The following NELFA variants were observed in gnomAD, a reference collection of about 807,000 sequenced individuals.
NELFA encodes the protein negative elongation factor A.
A neutral mutation model predicts 51.8 loss-of-function variants in NELFA; 35 were observed. The ratio of observed to expected loss-of-function variants is 0.68; its 90% CI spans 0.52 to 0.90. The LOEUF is 0.90. NELFA is among the 40% of genes least tolerant of loss of function. NELFA has a pLI of 0.00. For missense variants in NELFA, 658 were observed against 746.4 expected, an observed-to-expected ratio of 0.88 and a Z score of 1.38; for synonymous variants, 417 against 338.4, an observed-to-expected ratio of 1.23 and a Z score of -2.55.
intron 1 of NELFA, among the ~76,000 whole-genome samples, chr4:2,001,179 C>T (rs1728557929): frequency 2.6e-5 from 4 of 152,250 alleles, no homozygotes; most frequent in African/African-American, 2.4e-5. Context: ...AAACCCACAG[C>T]GAATACCATA....
Position 1,983,234 on chromosome 4 carries a change from T to G in NELFA, c.*85A>C, listed in dbSNP as rs1577607861. 1 of 1,420,948 alleles carries G rather than the reference T, an allele frequency of 7.0e-7. No homozygotes were observed. Among genetic ancestry groups the G allele is most frequent in the South Asian group, 1.4e-5 (1 of 72,932 alleles). 88.0% of individuals were successfully genotyped at this position (1,420,948 alleles called of 1,614,324 possible). A position where few individuals can be genotyped will look rare whatever the true frequency, so the allele number is the denominator to read the frequency against. ...CGGCCGGGGGACCTCGGGGGCCAGG[T>G]GTCCGCCATCCGGTTACTTTAAGCT... On this transcript the variant is annotated 3_prime_UTR_variant, in exon 11 of 11. Transcript: ENST00000382882.
In NELFA at chr4:2,008,876, G is replaced by T; in HGVS notation, c.84C>A (p.Ser28Arg). The T allele has an allele frequency of 6.3e-7, 1 of 1,596,546 alleles. No homozygotes were observed. Among genetic ancestry groups the T allele is most frequent in the African/African-American group, 1.3e-5 (1 of 74,922 alleles). ...GATDELWAPP[S>R]IASLLTAAVI... ...CCGCGGCCGTGAGCAGGGACGCGAT[G>T]CTGGGCGGCGCCCACAGCTCGTCCG... Residue 28 changes from serine to arginine, a missense_variant, in exon 1 of 11, where the codon AGC (serine) becomes AGA (arginine). Transcript: ENST00000382882.
At chr4:1,995,101 G>A (rs1728387853) in intron 1 of NELFA, among the ~76,000 whole-genome samples, 2 of 152,336 alleles carry the variant, frequency 1.3e-5, no homozygotes, top group Non-Finnish European at 2.9e-5. Context: ...CTACTGCTGA[G>A]TGGGTCTCAT....
Position 1,989,402 on chromosome 4 carries a change from A to G in NELFA, c.544+306T>C, listed in dbSNP as rs1203087045. Among the ~76,000 whole-genome samples the G allele has an allele frequency of 2.0e-5, 3 of 152,296 alleles. No individual in the cohort carries two copies. Among genetic ancestry groups the G allele is most frequent in the East Asian group, 3.9e-4 (2 of 5,180 alleles). ...GAGTGTAGTGGTGTGATCACAGCTC[A>G]CTGCAGCCTCAACCTCGTGGGCTCA... On this transcript the variant is annotated intron_variant, in intron 3 of 10. Coordinates refer to ENST00000382882, the MANE Select transcript of NELFA (RefSeq NM_005663.5). The surrounding 1 kb of genome is among the most constrained non-coding windows in gnomAD (Gnocchi z 4.8).
intron 2 of NELFA, chr4:1,990,092 G>A: frequency 1.7e-6 from 1 of 583,030 alleles, no homozygotes; most frequent in South Asian, 2.1e-5. Flanking sequence ...TGCCTTGAGA[G>A]GGCTGTAAAC....
intron 1 of NELFA, among the ~76,000 whole-genome samples, chr4:2,001,844 A>G (rs957396119): frequency 4.6e-5 from 7 of 151,644 alleles, no homozygotes; most frequent in Non-Finnish European, 1.0e-4. Context: ...CGGAGGTTGC[A>G]GTGAGCCGAG....
chr4:1,988,037 A>G, intron 3 of NELFA, 30 bp from the exon 4 acceptor site: 6 of 1,585,742 alleles, frequency 3.8e-6, no homozygotes, highest in Non-Finnish European at 4.3e-6. Flanking sequence ...TATGTCAGGG[A>G]TCCTCAGAGC....
chr4:1,985,622 C>T lies in NELFA; in HGVS notation c.924+154G>A, dbSNP rs547280610. ...TGTCAGGGCACGGCCCACACTGCCT[C>T]TCATGTACATATACGTATATATACA... is the stretch of plus-strand genomic sequence containing the variant. On this transcript the variant is annotated intron_variant, in intron 7 of 10. Coordinates refer to ENST00000382882, the MANE Select transcript of NELFA (RefSeq NM_005663.5). 4.0e-4 allele frequency among the ~76,000 whole-genome samples: 61 copies of T among 152,306 alleles called. No homozygotes were observed. The South Asian group carries it at 6.4e-3, about 16-fold the overall frequency.
intron 2 of NELFA, 104 bp downstream of exon 2, chr4:1,991,440 C>A: frequency 5.0e-6 from 6 of 1,208,054 alleles, no homozygotes; most frequent in South Asian, 1.4e-5. Context: ...CCAGGACACA[C>A]GGAAAAACGT....
chr4:1,991,316 C>T (rs571539051), intron 2 of NELFA, among the ~76,000 whole-genome samples: 2 of 152,218 alleles, frequency 1.3e-5, no homozygotes, highest in African/African-American at 2.4e-5. Flanking sequence ...CCACTGACAC[C>T]GCAGCAGTGA....
intron 7 of NELFA, among the ~76,000 whole-genome samples, chr4:1,985,360 C>T (rs957462359): frequency 3.9e-5 from 6 of 152,236 alleles, no homozygotes. Context: ...GCACCTGCCG[C>T]GCCCCGTGGC....
rs1560852350 is a variant in NELFA, at chr4:1,983,400, C to T, written c.1506G>A (p.Val502=). 2.5e-6 allele frequency: 4 copies of T among 1,614,104 alleles called. No individual in the cohort carries two copies. The South Asian group carries it at 3.3e-5, about 13-fold the overall frequency. ...CATAGTTCATCTCAAACACTGTGTCCACCAGCATGGTTGTGCTACCCTGGC... is the reference window on the plus strand; with the variant it reads ...CATAGTTCATCTCAAACACTGTGTCTACCAGCATGGTTGTGCTACCCTGGC... ...ADGQGSTTML[V]DTVFEMNYAT... is the part of the protein sequence containing the mutation. The change falls in exon 11 of 11, where the codon GTG becomes GTA. Residue 502 remains valine, a synonymous_variant. Transcript: ENST00000382882.
intron 1 of NELFA, among the ~76,000 whole-genome samples, chr4:1,993,578 CAA>C (rs113717027): frequency 3.6e-5 from 4 of 109,850 alleles, no homozygotes; most frequent in African/African-American, 6.8e-5. Flanking sequence ...AACTCCATCT[CAA>C]AAAAAAAAAA....
At chr4:1,999,078 C>A (rs1392865169) in intron 1 of NELFA, among the ~76,000 whole-genome samples, 2 of 152,020 alleles carry the variant, frequency 1.3e-5, no homozygotes, top group Admixed American at 6.6e-5. Flanking sequence ...GAAATAAAAT[C>A]TTTTTCAGAC....
intron 1 of NELFA, chr4:2,007,201 T>A (rs1432794841): frequency 2.7e-6 from 1 of 367,988 alleles, no homozygotes; most frequent in African/African-American, 2.1e-5. Flanking sequence ...CGCCAGACCC[T>A]GTCTCAAACA....
Position 1,984,130 on chromosome 4 carries a change from G to A in NELFA, c.1037-17C>T. On this transcript the variant is annotated splice_polypyrimidine_tract_variant and intron_variant, in intron 8 of 10. Coordinates refer to ENST00000382882, the MANE Select transcript of NELFA (RefSeq NM_005663.5). ...AAGATGGGGCTGCAAGTAGACCGGG[G>A]CCTGGTGAGGGGGCTGGACCCCCAC... The A allele has an allele frequency of 6.5e-7, 1 of 1,528,446 alleles. No individual in the cohort carries two copies. The highest frequency in any genetic ancestry group is 8.7e-7 in the Non-Finnish European group (1 of 1,145,140). The allele number at this position is 1,528,446 out of a possible 1,614,324, so 94.7% of individuals were successfully genotyped here.
At chr4:2,008,553 C>G (rs1321191552) in intron 1 of NELFA, among the ~76,000 whole-genome samples, 197 bp downstream of exon 1, 1 of 141,802 alleles carries the variant, frequency 7.1e-6, no homozygotes, top group South Asian at 2.3e-4. Flanking sequence ...GGGATGAGGA[C>G]CCAGGGGGAG....
At chr4:2,004,269 T>C (rs375644776) in intron 1 of NELFA, 7 of 152,114 alleles carry the variant, frequency 4.6e-5, no homozygotes, top group African/African-American at 1.2e-4. Context: ...ATATCCTGAA[T>C]AGACAAATCT....
intron 1 of NELFA, among the ~76,000 whole-genome samples, chr4:1,997,222 T>C (rs911580607): frequency 2.6e-5 from 4 of 152,126 alleles, no homozygotes; most frequent in African/African-American, 9.7e-5. Context: ...CTACCAAATA[T>C]TTAGGAAGAA....
Sources: allele counts gnomAD v4.1 joint callset (sites outside exome capture counted in the v4.1 genomes callset), GRCh38; gene constraint gnomAD v4.1.1; non-coding constraint Gnocchi (gnomAD v3.1); transcripts MANE v1.5; gene names NCBI Gene and HGNC (gene_info 2026-07-23, HGNC 2026-07-21).